Variants in SH3D19 observed in about 807,000 individuals in gnomAD.
SH3D19 encodes SH3 domain-containing protein 19.
Under a neutral mutation model 112.1 loss-of-function variants are expected in SH3D19, and 58 were observed. The ratio of observed to expected loss-of-function variants is 0.52; its 90% confidence interval spans 0.42 to 0.64. The LOEUF is 0.64. Ranked by LOEUF, SH3D19 falls within the 30% of genes least tolerant of loss-of-function variation. The pLI, the probability that SH3D19 is intolerant of heterozygous loss-of-function variation, is 0.00. For missense variants in SH3D19, 1,090 were observed against 1,263.4 expected (o/e 0.86, Z 2.08); for synonymous variants, 391 against 448.5 (o/e 0.87, Z 1.62).
At chr4:151,154,702 G>T (rs1755750805) in intron 9 of SH3D19, among the ~76,000 whole-genome samples, 1 of 151,734 alleles carries the variant, frequency 6.6e-6, no homozygotes, top group Admixed American at 6.6e-5. Flanking sequence ...TCAGCCTCCT[G>T]AGCAGCTGGG....
At chr4:151,286,199 A>AAAAAAAAC (rs1774761977) in intron 1 of SH3D19, among the ~76,000 whole-genome samples, 1 of 149,130 alleles carries the variant, frequency 6.7e-6, no homozygotes, top group African/African-American at 2.5e-5. Context: ...AAAAAAAAAA[A>AAAAAAAAC]AAAAACAACT....
chr4:151,174,998 T>C lies in SH3D19; in HGVS notation c.1206A>G (p.Arg402=). 1 of 1,614,196 alleles carries C rather than the reference T, an allele frequency of 6.2e-7. No homozygotes were observed. The highest frequency in any genetic ancestry group is 8.5e-7 in the Non-Finnish European group (1 of 1,180,020). The change falls in exon 7 of 20, where the codon AGA becomes AGG. Residue 402 remains arginine (R), a synonymous_variant. Transcript: ENST00000604030. ...TATCAGAGCTCTCAGCCAGGGGCCC[T>C]CTTCCCGGAATCTCAGGATTAACAC... is the stretch of plus-strand genomic sequence containing the variant. ...IRSVNPEIPG[R]GPLAESSDSG...
chr4:151,288,416 A>G (rs1478958533), intron 1 of SH3D19, among the ~76,000 whole-genome samples: 3 of 152,194 alleles, frequency 2.0e-5, no homozygotes, highest in African/African-American at 7.2e-5. Flanking sequence ...TAATAAACAC[A>G]TTCAGCAAAA....
At position 151,248,333 on chromosome 4, in the gene SH3D19, CAA is replaced by C. The variant is rs149064897; in HGVS notation, c.113-22249_113-22248del. 3.5e-3 allele frequency among the ~76,000 whole-genome samples: 526 copies of C among 152,200 alleles called. 4 individuals carry two copies. The highest frequency in any genetic ancestry group is 0.011 in the African/African-American group (465 of 41,556). Reference sequence around the variant, plus strand: ...AAAGTCTAGCTATTTCTGAAATGAACAAAGTGTTTTACCCACAGTGTTCAGAA... The same window carrying C: ...AAAGTCTAGCTATTTCTGAAATGAACAGTGTTTTACCCACAGTGTTCAGAA... On this transcript the variant is annotated intron_variant, in intron 1 of 19. Coordinates refer to ENST00000604030, the MANE Select transcript of SH3D19 (RefSeq NM_001378122.1).
intron 1 of SH3D19, among the ~76,000 whole-genome samples, chr4:151,294,165 T>G (rs1257199984): frequency 6.6e-6 from 1 of 152,232 alleles, no homozygotes; most frequent in Non-Finnish European, 1.5e-5. Context: ...TATCCACCAC[T>G]GTATCCTAGT....
chr4:151,282,034 T>C, intron 1 of SH3D19: 1 of 1,058,998 alleles, frequency 9.4e-7, no homozygotes, highest in Non-Finnish European at 1.4e-6. Flanking sequence ...AGCACCATGG[T>C]TAATTCCCAG....
intron 1 of SH3D19, among the ~76,000 whole-genome samples, chr4:151,264,971 A>G (rs1006459274): frequency 7.2e-5 from 11 of 152,210 alleles, no homozygotes; most frequent in Admixed American, 6.5e-4. Flanking sequence ...GGAATGAACA[A>G]CTGCAAAGTG....
chr4:151,165,818 A>G, intron 7 of SH3D19, 122 bp from the exon 8 acceptor site: 1 of 767,418 alleles, frequency 1.3e-6, no homozygotes, highest in South Asian at 1.9e-5. Context: ...TGGATAAACA[A>G]AATCTCAGTT....
chr4:151,272,944 A>C (rs1372437799), intron 1 of SH3D19, among the ~76,000 whole-genome samples: 3 of 152,090 alleles, frequency 2.0e-5, no homozygotes, highest in Admixed American at 2.0e-4. Context: ...TTATTACATG[A>C]GGGGCTGTAA....
intron 2 of SH3D19, among the ~76,000 whole-genome samples, chr4:151,213,281 C>T (rs1022007932): frequency 8.5e-5 from 13 of 152,180 alleles, no homozygotes; most frequent in African/African-American, 3.1e-4. Context: ...TATCAAACAG[C>T]ATTGCATGCT....
chr4:151,309,919 G>A (rs867770791), intron 1 of SH3D19, among the ~76,000 whole-genome samples: 1 of 152,138 alleles, frequency 6.6e-6, no homozygotes. Flanking sequence ...GAGCCCGGGA[G>A]GTCAAGGCTA....
rs187244309 is a variant in SH3D19 at position 151,293,429 on chromosome 4, C to T, written c.112+31812G>A. On this transcript the variant is annotated intron_variant, in intron 1 of 19. Transcript: ENST00000604030. ...CGGAGCTTGCTGTGAGCCGAGATTG[C>T]GCCACTGCACTCCAGCCTGGGCGAC... Among the ~76,000 whole-genome samples, 47 of 151,344 alleles carry T rather than the reference C, an allele frequency of 3.1e-4. 1 individual carries two copies. The East Asian group carries it at 5.3e-3, about 17-fold the overall frequency.
intron 7 of SH3D19, among the ~76,000 whole-genome samples, chr4:151,174,130 T>A: frequency 6.6e-6 from 1 of 152,222 alleles, no homozygotes; most frequent in East Asian, 1.9e-4. Context: ...TGGGTCCTCA[T>A]TCCGTACATT....
At chr4:151,270,589 GTA>G (rs1216976319) in intron 1 of SH3D19, among the ~76,000 whole-genome samples, 4 of 151,140 alleles carry the variant, frequency 2.6e-5, no homozygotes, top group Non-Finnish European at 5.9e-5. Flanking sequence ...GTATGTAATT[GTA>G]TATGTTATGC....
At chr4:151,152,903 T>C (rs1023894806) in intron 9 of SH3D19, among the ~76,000 whole-genome samples, 6 of 150,264 alleles carry the variant, frequency 4.0e-5, no homozygotes, top group Non-Finnish European at 8.9e-5. Flanking sequence ...TGGCACGATC[T>C]TGGCTCACTG....
At chr4:151,165,927 G>A (rs1026953060) in intron 7 of SH3D19, 3 of 440,266 alleles carry the variant, frequency 6.8e-6, no homozygotes, top group Non-Finnish European at 1.2e-5. Context: ...GAGAGAGATT[G>A]AGGATGATCT....
chr4:151,245,487 C>T (rs1770876046), intron 1 of SH3D19, among the ~76,000 whole-genome samples: 1 of 152,164 alleles, frequency 6.6e-6, no homozygotes, highest in African/African-American at 2.4e-5. Context: ...TCTAGATATT[C>T]CTCATACCTG....
intron 12 of SH3D19, among the ~76,000 whole-genome samples, chr4:151,142,244 A>C (rs1362581439): frequency 1.3e-5 from 2 of 152,236 alleles, no homozygotes; most frequent in Non-Finnish European, 2.9e-5. Context: ...GATATAACCC[A>C]CATACAATAA....
At chr4:151,142,981 T>G (rs1056079239) in intron 12 of SH3D19, among the ~76,000 whole-genome samples, 3 of 152,180 alleles carry the variant, frequency 2.0e-5, no homozygotes, top group African/African-American at 7.2e-5. Flanking sequence ...CCCATACCTG[T>G]AATCTGAACA....
Sources: gnomAD v4.1 joint callset for allele counts (sites outside exome capture counted in the v4.1 genomes callset) on GRCh38, gnomAD v4.1.1 for gene constraint, MANE v1.5 for transcripts, NCBI Gene and HGNC (gene_info 2026-07-23, HGNC 2026-07-21) for gene names.